The following MYO3B variants were observed in gnomAD, a reference collection of about 807,000 sequenced individuals.
The protein encoded by MYO3B is myosin-IIIb.
In MYO3B, 156 loss-of-function variants were observed where a neutral mutation model predicts 174.6. The ratio of observed to expected loss-of-function variants is 0.89; its 90% CI spans 0.78 to 1.02. The LOEUF (loss-of-function observed/expected upper bound fraction) is 1.02. Among genes scored for constraint, MYO3B ranks in the 50% least tolerant of loss-of-function variants. The pLI is 0.00. For missense variants in MYO3B, 1,632 were observed against 1,639.4 expected (o/e 1.00, Z 0.08); for synonymous variants, 563 against 569.1 (o/e 0.99, Z 0.15).
At chr2:170,308,230 C>G (rs2093713785) in intron 7 of MYO3B, among the ~76,000 whole-genome samples, 1 of 152,204 alleles carries the variant, frequency 6.6e-6, no homozygotes, top group African/African-American at 2.4e-5. Context: ...CGTGAATGTT[C>G]TGTTCTAGCA....
chr2:170,222,609 A>C (rs899829028), intron 6 of MYO3B, among the ~76,000 whole-genome samples: 1 of 152,054 alleles, frequency 6.6e-6, no homozygotes, highest in Non-Finnish European at 1.5e-5. Flanking sequence ...TCACATGTCC[A>C]TGACTTCTTA....
chr2:170,433,763 A>AT (rs1229955239), intron 22 of MYO3B, among the ~76,000 whole-genome samples: 1 of 152,234 alleles, frequency 6.6e-6, no homozygotes, highest in Non-Finnish European at 1.5e-5. Flanking sequence ...CAGAGGCTAT[A>AT]CCATCTAGGT....
chr2:170,401,197 GGGTAGAATACA>G (rs2094473789), intron 17 of MYO3B, among the ~76,000 whole-genome samples: 1 of 152,128 alleles, frequency 6.6e-6, no homozygotes, highest in African/African-American at 2.4e-5. Context: ...TTGTGACTAA[GGGTAGAATACA>G]GTCTGCACCT....
In MYO3B at chr2:170,653,233, T is replaced by G. The variant is rs1005869828; in HGVS notation, c.*112T>G. ...GGGGTCAGCTTCTTTGGACATATGG[T>G]CCATGCCTGAACCTTACTGAACCAC... On this transcript the variant is annotated 3_prime_UTR_variant, in exon 35 of 35. Coordinates refer to ENST00000408978, the MANE Select transcript of MYO3B (RefSeq NM_138995.5). The G allele has an allele frequency of 7.5e-7, 1 of 1,335,746 alleles. No individual in the cohort carries two copies. Among genetic ancestry groups the G allele is most frequent in the South Asian group, 1.3e-5 (1 of 77,454 alleles). The allele number at this position is 1,335,746 out of a possible 1,614,324, so 82.7% of individuals were successfully genotyped here.
chr2:170,376,448 A>T (rs922606240), intron 9 of MYO3B, among the ~76,000 whole-genome samples: 15 of 152,150 alleles, frequency 9.9e-5, no homozygotes, highest in Non-Finnish European at 1.9e-4. Context: ...CTCTATTCTC[A>T]GTTTTGAGTA....
At chr2:170,570,479 A>G (rs1351969811) in intron 32 of MYO3B, among the ~76,000 whole-genome samples, 3 of 152,202 alleles carry the variant, frequency 2.0e-5, no homozygotes, top group African/African-American at 7.2e-5. Context: ...CTGCTTATAA[A>G]GGTTGGGTGC....
chr2:170,473,411 A>C (rs897543968), intron 25 of MYO3B, among the ~76,000 whole-genome samples: 1 of 151,494 alleles, frequency 6.6e-6, no homozygotes, highest in East Asian at 1.9e-4. Context: ...CTCCCAAAGT[A>C]CTGGGATTAC....
chr2:170,517,206 T>C (rs939780728), intron 29 of MYO3B, among the ~76,000 whole-genome samples: 2 of 152,268 alleles, frequency 1.3e-5, no homozygotes, highest in African/African-American at 4.8e-5. Context: ...CAGAATATTC[T>C]GTAAGTTTCT....
In MYO3B at chr2:170,537,448, ATTTTT is replaced by A. The variant is rs559086883; in HGVS notation, c.3576-5429_3576-5425del. Among the ~76,000 whole-genome samples, 6 of 54,818 alleles carry A rather than the reference ATTTTT, an allele frequency of 1.1e-4. No homozygotes were observed. The East Asian group carries it at 2.2e-3, about 20-fold the overall frequency. The allele number at this position is 54,818 out of a possible 152,430, so 36.0% of individuals were successfully genotyped here. A position where few individuals can be genotyped will look rare whatever the true frequency, so the allele number is the denominator to read the frequency against. ...ACCTTCTCTTATTAAGAGCTCTTTG[ATTTTT>A]TTTTTTTTTTTTTTTTTTTTTTTTT... On this transcript the variant is annotated intron_variant, in intron 30 of 34. Coordinates refer to ENST00000408978, the MANE Select transcript of MYO3B (RefSeq NM_138995.5).
At chr2:170,580,718 A>ATATATATGTGTT (rs768974458) in intron 32 of MYO3B, among the ~76,000 whole-genome samples, 1 of 142,702 alleles carries the variant, frequency 7.0e-6, no homozygotes, top group Admixed American at 7.0e-5. Context: ...AACCTTATAT[A>ATATATATGTGTT]TGTGTGTGTG....
intron 22 of MYO3B, among the ~76,000 whole-genome samples, chr2:170,443,512 A>G (rs974020234): frequency 6.6e-5 from 10 of 151,872 alleles, no homozygotes; most frequent in African/African-American, 2.4e-4. Flanking sequence ...CCCATTTGTC[A>G]ATTTTGGCTT....
In MYO3B at chr2:170,599,707, C is replaced by A. The variant is rs993211264; in HGVS notation, c.3734-51921C>A. On this transcript the variant is annotated intron_variant, in intron 32 of 34. Transcript: ENST00000408978. ...AGGTTGTAGTGAGCCGAGATTGTGC[C>A]ACTGCACTCTAGCCTGGGTGACAGA... Among the ~76,000 whole-genome samples the A allele has an allele frequency of 6.6e-5, 10 of 152,128 alleles. 1 individual carries two copies. The highest frequency in any genetic ancestry group is 1.9e-4 in the African/African-American group (8 of 41,418).
At chr2:170,383,990 C>G in intron 12 of MYO3B, 176 bp downstream of exon 12, 1 of 538,394 alleles carries the variant, frequency 1.9e-6, no homozygotes. Context: ...GCCATAGCAT[C>G]GGGAGAATGT....
intron 28 of MYO3B, among the ~76,000 whole-genome samples, chr2:170,504,823 A>C (rs1235913171): frequency 6.6e-6 from 1 of 152,006 alleles, no homozygotes; most frequent in Non-Finnish European, 1.5e-5. Flanking sequence ...GCTCGTTTTT[A>C]ATTGTGGGCC....
intron 28 of MYO3B, among the ~76,000 whole-genome samples, chr2:170,502,893 A>C (rs1036832726): frequency 7.2e-5 from 11 of 152,238 alleles, no homozygotes; most frequent in Admixed American, 4.6e-4. Flanking sequence ...TAGAAGCCTG[A>C]TGTCTTCATT....
At chr2:170,271,182 G>A (rs774827225) in intron 7 of MYO3B, among the ~76,000 whole-genome samples, 8 of 152,132 alleles carry the variant, frequency 5.3e-5, no homozygotes, top group African/African-American at 1.2e-4. Flanking sequence ...TATTATTTTA[G>A]TATTTGTTAA....
chr2:170,342,412 G>A (rs2105564848), intron 8 of MYO3B: 1 of 152,372 alleles, frequency 6.6e-6, no homozygotes, highest in East Asian at 1.9e-4. Context: ...CCTGGAGGTG[G>A]TGGCTCACAC....
intron 34 of MYO3B, among the ~76,000 whole-genome samples, chr2:170,652,569 G>A (rs1281652726): frequency 6.6e-6 from 1 of 152,204 alleles, no homozygotes; most frequent in Non-Finnish European, 1.5e-5. Context: ...ATAGAGGATA[G>A]TAAGGAATTT....
At chr2:170,627,880 C>G (rs150135083) in intron 32 of MYO3B, among the ~76,000 whole-genome samples, 94 of 148,956 alleles carry the variant, frequency 6.3e-4, no homozygotes, top group African/African-American at 2.2e-3. Context: ...TGCTGAACAG[C>G]AAATATTGCT....
Sources: allele counts gnomAD v4.1 joint callset (sites outside exome capture counted in the v4.1 genomes callset), GRCh38; gene constraint gnomAD v4.1.1; transcripts MANE v1.5; gene names NCBI Gene and HGNC (gene_info 2026-07-23, HGNC 2026-07-21).